The following CLEC18C variants were observed in gnomAD, a reference collection of about 807,000 sequenced individuals.
CLEC18C encodes mannose receptor-like 3.
In CLEC18C, 2 loss-of-function variants were observed where a neutral mutation model predicts 27.2. That is an observed-to-expected ratio of 0.07 (90% CI 0.03 to 0.23). The LOEUF (loss-of-function observed/expected upper bound fraction) is 0.23. Among genes scored for constraint, CLEC18C ranks in the 10% least tolerant of loss-of-function variants. The probability of loss-of-function intolerance (pLI) is 1.00; values close to 1 mark genes in which losing one functional copy is unlikely to be tolerated. For missense variants in CLEC18C, 31 were observed against 269.0 expected, an observed-to-expected ratio of 0.12 and a Z score of 6.19; for synonymous variants, 13 against 112.8, an observed-to-expected ratio of 0.12 and a Z score of 5.61.
intron 11 of CLEC18C, 138 bp from the exon 12 acceptor site, chr16:70,185,747 C>G (rs1210462751): frequency 1.7e-6 from 1 of 595,340 alleles, no homozygotes. Flanking sequence ...GGGGACGGGC[C>G]TGGCTCCCGG....
intron 3 of CLEC18C, among the ~76,000 whole-genome samples, chr16:70,175,744 A>C (rs1194247442): frequency 1.1e-5 from 1 of 93,504 alleles, no homozygotes. Context: ...CTTCCCATGA[A>C]CTCCTCCAAG....
At chr16:70,176,078 TG>T (rs1188663911) in intron 3 of CLEC18C, among the ~76,000 whole-genome samples, 1 of 95,220 alleles carries the variant, frequency 1.1e-5, no homozygotes, top group Non-Finnish European at 2.2e-5. Flanking sequence ...GCCTCCCTCG[TG>T]GCCCGGCCCC....
chr16:70,179,329 G>C (rs113441654), intron 4 of CLEC18C, among the ~76,000 whole-genome samples: 1 of 126,090 alleles, frequency 7.9e-6, no homozygotes, highest in Non-Finnish European at 1.7e-5. Context: ...GCGCGATCTC[G>C]GCTCACTGCA....
rs1174538503 is a variant in CLEC18C, at chr16:70,175,522, A to G, written c.216+484A>G. Among the ~76,000 whole-genome samples the G allele has an allele frequency of 9.2e-5, 12 of 130,812 alleles. 1 individual carries two copies. Among genetic ancestry groups the G allele is most frequent in the South Asian group, 4.6e-4 (2 of 4,378 alleles). The allele number at this position is 130,812 out of a possible 152,430, so 85.8% of individuals were successfully genotyped here. On this transcript the variant is annotated intron_variant, in intron 3 of 12. Transcript: ENST00000541793. ...CCTTGCCCATGTTCTCTGCTCACTC[A>G]CTCGTCCACATTTTCCACATTTTCA...
Position 70,186,783 on chromosome 16 carries a change from A to G in CLEC18C, c.*263A>G. The G allele has an allele frequency of 2.7e-6, 1 of 364,230 alleles. No individual in the cohort carries two copies. The highest frequency in any genetic ancestry group is 4.8e-6 in the Non-Finnish European group (1 of 210,202). The allele number at this position is 364,230 out of a possible 1,614,324, so 22.6% of individuals were successfully genotyped here. A position where few individuals can be genotyped will look rare whatever the true frequency, so the allele number is the denominator to read the frequency against. ...TCAATTAGATGGCAAAGGAGAGGAC[A>G]CCGCCAGTGGTCCAAAAAGGCTGCT... On this transcript the variant is annotated 3_prime_UTR_variant, in exon 13 of 13. Transcript: ENST00000541793.
intron 4 of CLEC18C, among the ~76,000 whole-genome samples, chr16:70,179,172 C>A (rs1433581955): frequency 8.9e-6 from 1 of 111,966 alleles, no homozygotes; most frequent in African/African-American, 4.3e-5. Context: ...AACATGTGCC[C>A]CTACAACTAG....
rs747616606 is a variant in CLEC18C at position 70,174,910 on chromosome 16, C to T, written c.125-37C>T. The T allele has an allele frequency of 9.3e-6, 12 of 1,289,376 alleles. 2 individuals are homozygous for T. The Admixed American group carries it at 1.4e-4, about 15-fold the overall frequency. 79.9% of individuals were successfully genotyped at this position (1,289,376 alleles called of 1,614,324 possible). On this transcript the variant is annotated intron_variant, in intron 2 of 12. Transcript: ENST00000541793. ...GCCGTGTGTTGGGTTCAGGTCCCCC[C>T]ATCCTCGGGCTGCCTGACCTTCTCT...
At chr16:70,175,766 C>T (rs1269418917) in intron 3 of CLEC18C, among the ~76,000 whole-genome samples, 1 of 110,708 alleles carries the variant, frequency 9.0e-6, no homozygotes, top group Non-Finnish European at 1.8e-5. Context: ...CAGGTGGCCA[C>T]AGTGGCGACC....
intron 4 of CLEC18C, among the ~76,000 whole-genome samples, chr16:70,179,733 G>A (rs1335247187): frequency 6.9e-6 from 1 of 145,390 alleles, no homozygotes; most frequent in African/African-American, 2.6e-5. Flanking sequence ...TACAACCTCC[G>A]CCTCCCCAGT....
At chr16:70,176,734 A>C (rs1968301466) in intron 3 of CLEC18C, among the ~76,000 whole-genome samples, 1 of 107,854 alleles carries the variant, frequency 9.3e-6, no homozygotes, top group African/African-American at 3.9e-5. Context: ...GTCTCAAAAA[A>C]AAAAAGAAGA....
Position 70,177,358 on chromosome 16 carries a change from C to G in CLEC18C, c.334C>G (p.Leu112Val), listed in dbSNP as rs371101864. 5 of 1,612,216 alleles carry G rather than the reference C, an allele frequency of 3.1e-6. No individual in the cohort carries two copies. The highest frequency in any genetic ancestry group is 1.7e-5 in the Admixed American group (1 of 59,930). ...RTLQVGWNMQ[L>V]LPAGLASFVE... ...CCTGCAAGTGGGCTGGAACATGCAG[C>G]TGCTGCCCGCGGGCTTGGCGTCCTT... is the stretch of plus-strand genomic sequence containing the variant. The change falls in exon 4 of 13, where the codon CTG (leucine) becomes GTG (valine). Residue 112 changes from leucine to valine, a missense_variant. Transcript: ENST00000541793.
chr16:70,176,869 G>T (rs1968306430), intron 3 of CLEC18C, among the ~76,000 whole-genome samples: 1 of 111,440 alleles, frequency 9.0e-6, no homozygotes, highest in South Asian at 2.4e-4. Flanking sequence ...AGCATGGCCG[G>T]GTGGGAGCAG....
At chr16:70,176,533 G>C in intron 3 of CLEC18C, among the ~76,000 whole-genome samples, 1 of 151,282 alleles carries the variant, frequency 6.6e-6, no homozygotes, top group Non-Finnish European at 1.5e-5. Context: ...TTTGAGACCA[G>C]CAATGGCCAA....
chr16:70,177,594 T>C, intron 4 of CLEC18C, 114 bp downstream of exon 4: 1 of 1,229,790 alleles, frequency 8.1e-7, no homozygotes, highest in South Asian at 1.5e-5. Context: ...TTTCCTCCAA[T>C]TGGTTTAGTT....
chr16:70,177,562 T>C lies in CLEC18C; in HGVS notation c.456+82T>C. 3.1e-6 allele frequency: 4 copies of C among 1,301,478 alleles called. 1 individual carries two copies. The highest frequency in any genetic ancestry group is 4.1e-6 in the Non-Finnish European group (4 of 965,236). 80.6% of individuals were successfully genotyped at this position (1,301,478 alleles called of 1,614,324 possible). A position where few individuals can be genotyped will look rare whatever the true frequency, so the allele number is the denominator to read the frequency against. ...GTCCATCTCAGAAGAGGCTACAGTTTGTCCTAAATGTTGGGATTCCTTTTC... is the reference window on the plus strand; with the variant it reads ...GTCCATCTCAGAAGAGGCTACAGTTCGTCCTAAATGTTGGGATTCCTTTTC... On this transcript the variant is annotated intron_variant, in intron 4 of 12. Coordinates refer to ENST00000541793, the MANE Select transcript of CLEC18C (RefSeq NM_173619.4).
chr16:70,175,553 G>A (rs1353227990), intron 3 of CLEC18C, among the ~76,000 whole-genome samples: 2 of 132,406 alleles, frequency 1.5e-5, no homozygotes, highest in Non-Finnish European at 3.1e-5. Flanking sequence ...TTTCAGCAGG[G>A]GCCGGGGGTC....
At chr16:70,179,664 C>T (rs1390561771) in intron 4 of CLEC18C, among the ~76,000 whole-genome samples, 5 of 142,558 alleles carry the variant, frequency 3.5e-5, no homozygotes, top group Non-Finnish European at 7.7e-5. Context: ...TTTGTTTTTT[C>T]GATTCAGAGT....
chr16:70,175,068 AG>A lies in CLEC18C; in HGVS notation c.216+36del. The A allele has an allele frequency of 3.8e-5, 38 of 987,966 alleles. 4 individuals are homozygous for A. Among genetic ancestry groups the A allele is most frequent in the Admixed American group, 6.0e-5 (2 of 33,470 alleles). 61.2% of individuals were successfully genotyped at this position (987,966 alleles called of 1,614,324 possible). ...GTACCCGACCCAGCTGGGCTCTGCC[AG>A]GGGGGTGGCCGGAGGCGCGGACCCC... On this transcript the variant is annotated intron_variant, in intron 3 of 12. Transcript: ENST00000541793.
rs1968477137 is a variant in CLEC18C, at chr16:70,186,688, G to A, written c.*168G>A. On this transcript the variant is annotated 3_prime_UTR_variant, in exon 13 of 13. Transcript: ENST00000541793. ...TGGGCAGAGAGAGGCAGGGAGGCCA[G>A]TGAGGGCCAGGGAGTGAGTGTTAGA... The A allele has an allele frequency of 2.1e-6, 1 of 482,108 alleles. No homozygotes were observed. Among genetic ancestry groups the A allele is most frequent in the South Asian group, 2.1e-5 (1 of 47,092 alleles). 29.9% of individuals were successfully genotyped at this position (482,108 alleles called of 1,614,324 possible).
Sources: gnomAD v4.1 joint callset for allele counts (sites outside exome capture counted in the v4.1 genomes callset) on GRCh38, gnomAD v4.1.1 for gene constraint, MANE v1.5 for transcripts, NCBI Gene and HGNC (gene_info 2026-07-23, HGNC 2026-07-21) for gene names.